The following TTL variants were observed in gnomAD, a reference collection of about 807,000 sequenced individuals.
TTL encodes tubulin tyrosine ligase.
TTL carries 10 observed loss-of-function variants against 41.1 expected under a neutral mutation model. That is an observed-to-expected ratio of 0.24 (90% CI 0.15 to 0.41). TTL has a LOEUF of 0.41. TTL is among the 10% of genes least tolerant of loss of function. The probability of loss-of-function intolerance (pLI) is 1.00; values close to 1 mark genes in which losing one functional copy is unlikely to be tolerated. For synonymous variants in TTL, 175 were observed against 175.5 expected (o/e 1.00, Z 0.02); for missense variants, 367 against 460.4 (o/e 0.80, Z 1.86).
At chr2:112,493,164 A>G (rs1681436249) in intron 2 of TTL, among the ~76,000 whole-genome samples, 1 of 152,152 alleles carries the variant, frequency 6.6e-6, no homozygotes, top group African/African-American at 2.4e-5. Context: ...CCATTTGTTC[A>G]CAGACTGGGT....
At chr2:112,523,331 TCTGTGG>T (rs1321481418) in intron 6 of TTL, among the ~76,000 whole-genome samples, 9 of 101,994 alleles carry the variant, frequency 8.8e-5, no homozygotes, top group African/African-American at 2.8e-4. Flanking sequence ...GAAGAAACTG[TCTGTGG>T]GTGTGTGTGT....
Position 112,520,411 on chromosome 2 carries a change from C to T in TTL, c.1005C>T (p.Ala335=). 5 of 1,613,788 alleles carry T rather than the reference C, an allele frequency of 3.1e-6. No individual in the cohort carries two copies. Among genetic ancestry groups the T allele is most frequent in the African/African-American group, 1.3e-5 (1 of 75,004 alleles). Reference sequence around the variant, plus strand: ...TGTGGCTCATTGAGGTCAACGGTGCCCCTGCATGTGCTCAGTAAGCCTGCA... The same window carrying T: ...TGTGGCTCATTGAGGTCAACGGTGCTCCTGCATGTGCTCAGTAAGCCTGCA... The part of the protein sequence containing the change: ...LKVWLIEVNG[A]PACAQKLYAE... Residue 335 remains alanine (A), a synonymous_variant, in exon 6 of 7, where the codon GCC becomes GCT. Transcript: ENST00000233336.
intron 5 of TTL, among the ~76,000 whole-genome samples, chr2:112,519,700 A>G (rs2104472754): frequency 6.6e-6 from 1 of 152,292 alleles, no homozygotes; most frequent in Admixed American, 6.5e-5. Context: ...TACAGAGGCC[A>G]CAATGACTCG....
chr2:112,495,719 T>C (rs1574057912), intron 3 of TTL, among the ~76,000 whole-genome samples: 1 of 152,014 alleles, frequency 6.6e-6, no homozygotes, highest in African/African-American at 2.4e-5. Flanking sequence ...TGGTGGCGGG[T>C]GCCTGTAGTC....
At chr2:112,498,632 G>A (rs544063656) in intron 3 of TTL, among the ~76,000 whole-genome samples, 6 of 151,840 alleles carry the variant, frequency 4.0e-5, no homozygotes, top group South Asian at 2.1e-4. Context: ...GGCCGGGCAC[G>A]GTGGCTCACA....
chr2:112,518,862 A>G (rs929842657), intron 5 of TTL, among the ~76,000 whole-genome samples: 3 of 151,860 alleles, frequency 2.0e-5, no homozygotes, highest in African/African-American at 4.8e-5. Context: ...TTTAGTAGAG[A>G]TGGGGTTTTG....
intron 6 of TTL, among the ~76,000 whole-genome samples, chr2:112,524,666 A>G (rs79071692): frequency 0.11 from 15,974 of 152,062 alleles, 1,052 homozygotes; most frequent in South Asian, 0.16. Context: ...AAATTTGTTT[A>G]AGTTCTTTGT....
At chr2:112,524,816 T>C (rs2104477329) in intron 6 of TTL, among the ~76,000 whole-genome samples, 1 of 152,370 alleles carries the variant, frequency 6.6e-6, no homozygotes, top group Non-Finnish European at 1.5e-5. Context: ...TTGTCAATTT[T>C]TGCTTTTGTT....
chr2:112,502,637 CAAA>C (rs59408840), intron 4 of TTL, among the ~76,000 whole-genome samples: 2 of 123,086 alleles, frequency 1.6e-5, no homozygotes, highest in African/African-American at 3.1e-5. Context: ...AACTCCATCT[CAAA>C]AAAAAAAAAA....
At chr2:112,502,569 G>A (rs530946320) in intron 4 of TTL, among the ~76,000 whole-genome samples, 17 of 150,400 alleles carry the variant, frequency 1.1e-4, no homozygotes, top group South Asian at 6.4e-4. Context: ...CCCGGAAGGC[G>A]GAGGTTGCAG....
At position 112,540,739 on chromosome 2, in the gene TTL, T is replaced by C. The variant is rs1475268751; in HGVS notation, c.*11944T>C. 6.6e-6 allele frequency: 1 copy of C among 152,042 alleles called. No individual in the cohort carries two copies. 9.4% of individuals were successfully genotyped at this position (152,042 alleles called of 1,614,324 possible). On this transcript the variant is annotated 3_prime_UTR_variant, in exon 7 of 7. Coordinates refer to ENST00000233336, the MANE Select transcript of TTL (RefSeq NM_153712.5). The stretch of plus-strand genomic sequence containing the variant: ...CAAGACAATTTGATGAGGGAAAGAA[T>C]AGTCTTTTTAACAAATGGTGTTAGG...
At chr2:112,491,566 A>G (rs185562967) in intron 2 of TTL, among the ~76,000 whole-genome samples, 5 of 152,310 alleles carry the variant, frequency 3.3e-5, no homozygotes, top group African/African-American at 1.2e-4. Flanking sequence ...ATAGTTTTTT[A>G]AAACTACATT....
intron 6 of TTL, among the ~76,000 whole-genome samples, chr2:112,521,767 A>G (rs889936029): frequency 1.3e-5 from 2 of 152,218 alleles, no homozygotes; most frequent in Admixed American, 6.5e-5. Flanking sequence ...GTGAGCAGAC[A>G]GATACCAGGC....
chr2:112,503,805 CTTTTTTTTT>C (rs70963002), intron 5 of TTL, among the ~76,000 whole-genome samples: 1 of 102,544 alleles, frequency 9.8e-6, no homozygotes, highest in Admixed American at 1.2e-4. Flanking sequence ...CCGTAAACTT[CTTTTTTTTT>C]TTTTTTTTTT....
At position 112,491,345 on chromosome 2, in the gene TTL, A is replaced by G. The variant is rs538527513; in HGVS notation, c.237-2798A>G. Among the ~76,000 whole-genome samples the G allele has an allele frequency of 3.0e-4, 45 of 152,270 alleles. No individual in the cohort carries two copies. The East Asian group carries it at 8.5e-3, about 29-fold the overall frequency. On this transcript the variant is annotated intron_variant, in intron 2 of 6. Coordinates refer to ENST00000233336, the MANE Select transcript of TTL (RefSeq NM_153712.5). Reference sequence around the variant, plus strand: ...ACAGCATTTTATCATACATTTGGAAATCCTTTGAGGCAAAACACCCAAAGT... The same window carrying G: ...ACAGCATTTTATCATACATTTGGAAGTCCTTTGAGGCAAAACACCCAAAGT...
At chr2:112,489,143 AAATC>A (rs1681317038) in intron 2 of TTL, among the ~76,000 whole-genome samples, 1 of 152,222 alleles carries the variant, frequency 6.6e-6, no homozygotes, top group Non-Finnish European at 1.5e-5. Context: ...TTAACTAAAT[AAATC>A]CAAAATGTTA....
chr2:112,485,313 A>T (rs931007887), intron 1 of TTL, among the ~76,000 whole-genome samples: 8 of 151,766 alleles, frequency 5.3e-5, no homozygotes, highest in South Asian at 2.1e-4. Flanking sequence ...CTAATTCTAT[A>T]AAAAAAAGCC....
intron 2 of TTL, among the ~76,000 whole-genome samples, chr2:112,489,655 A>AT (rs1220670004): frequency 6.6e-6 from 1 of 152,212 alleles, no homozygotes; most frequent in African/African-American, 2.4e-5. Context: ...TGCTATTACA[A>AT]TTAACATTTT....
intron 5 of TTL, among the ~76,000 whole-genome samples, chr2:112,515,872 C>T (rs896422795): frequency 4.6e-5 from 7 of 152,032 alleles, no homozygotes; most frequent in Middle Eastern, 3.4e-3. Flanking sequence ...GCTTGAACCC[C>T]GGAGGTGGAG....
Sources: allele counts gnomAD v4.1 joint callset (sites outside exome capture counted in the v4.1 genomes callset), GRCh38; gene constraint gnomAD v4.1.1; transcripts MANE v1.5; gene names NCBI Gene and HGNC (gene_info 2026-07-23, HGNC 2026-07-21).